Variants in ADGRD1 observed in about 807,000 individuals in gnomAD.
ADGRD1 encodes adhesion G protein-coupled receptor D1.
A neutral mutation model predicts 113.4 loss-of-function variants in ADGRD1; 77 were observed. The ratio of observed to expected loss-of-function variants is 0.68; its 90% confidence interval spans 0.57 to 0.82. ADGRD1 has a LOEUF of 0.82. ADGRD1 is among the 40% of genes least tolerant of loss of function. The pLI, the probability that ADGRD1 is intolerant of heterozygous loss-of-function variation, is 0.00. For synonymous variants in ADGRD1, 474 were observed against 475.0 expected, an observed-to-expected ratio of 1.00 and a Z score of 0.03; for missense variants, 1,036 against 1,139.1, an observed-to-expected ratio of 0.91 and a Z score of 1.30.
rs1444426300 is a variant in ADGRD1, at chr12:131,057,473, A to G, written c.1474-19328A>G. On this transcript the variant is annotated intron_variant, in intron 13 of 24. Transcript: ENST00000261654. This position sits in a 1 kb window ranked among gnomAD's most constrained non-coding sequence, Gnocchi z 4.2. ...TTCTCCTGCAGCTCTTGAGTCCACG[A>G]GTCTGAGACAAAGGCGTTGGCAGAG... Among the ~76,000 whole-genome samples the G allele has an allele frequency of 6.6e-6, 1 of 152,090 alleles. No homozygotes were observed. The highest frequency in any genetic ancestry group is 1.9e-4 in the East Asian group (1 of 5,186).
At position 130,981,926 on chromosome 12, in the gene ADGRD1, C is replaced by T; in HGVS notation, c.353C>T (p.Ser118Phe). The T allele has an allele frequency of 1.2e-6, 2 of 1,613,906 alleles. No homozygotes were observed. Among genetic ancestry groups the T allele is most frequent in the South Asian group, 2.2e-5 (2 of 91,070 alleles). The change falls in exon 5 of 25, where the codon TCT becomes TTT. Residue 118 changes from serine to phenylalanine, a missense_variant. Physicochemically the swap from Ser to Phe is radical, Grantham distance 155. Coordinates refer to ENST00000261654, the MANE Select transcript of ADGRD1 (RefSeq NM_198827.5). ...TTCTGGAAGACACAAGGAGAACAGT[C>T]TAGACCAATCCCTTCTGCGTATGGG... Reference protein sequence around the residue: ...SFFWKTQGEQSRPIPSAYGGQ... With the variant: ...SFFWKTQGEQFRPIPSAYGGQ...
chr12:131,044,000 A>G (rs1462055089), intron 13 of ADGRD1, among the ~76,000 whole-genome samples: 1 of 152,124 alleles, frequency 6.6e-6, no homozygotes, highest in Admixed American at 6.5e-5. Flanking sequence ...CCCTGGTTCT[A>G]CCAGGCGTCA....
intron 13 of ADGRD1, among the ~76,000 whole-genome samples, chr12:131,047,249 C>T (rs543579721): frequency 2.8e-4 from 43 of 152,050 alleles, no homozygotes; most frequent in African/African-American, 1.0e-3. Flanking sequence ...AGATCTCCAG[C>T]CCTGGGTGTG....
At chr12:131,094,984 C>A (rs1887184064) in intron 15 of ADGRD1, among the ~76,000 whole-genome samples, 1 of 152,252 alleles carries the variant, frequency 6.6e-6, no homozygotes, top group South Asian at 2.1e-4. Flanking sequence ...CATGCCCCTC[C>A]AGTCTCCCTC....
chr12:131,058,090 T>C (rs1426135028), intron 13 of ADGRD1, among the ~76,000 whole-genome samples: 1 of 152,200 alleles, frequency 6.6e-6, no homozygotes, highest in Non-Finnish European at 1.5e-5. Flanking sequence ...AGGTTACTCT[T>C]TTGTGCTTTT....
Position 131,054,410 on chromosome 12 carries a change from G to A in ADGRD1, c.1474-22391G>A, listed in dbSNP as rs537383183. On this transcript the variant is annotated intron_variant, in intron 13 of 24. Coordinates refer to ENST00000261654, the MANE Select transcript of ADGRD1 (RefSeq NM_198827.5). ...AGTATGTACTCTTTTCTGGCCTGGC[G>A]TTTTCCACTCAGCATTATTGTTTTG... 6.6e-5 allele frequency among the ~76,000 whole-genome samples: 10 copies of A among 152,268 alleles called. No homozygotes were observed. In the East Asian group the frequency reaches 1.4e-3, roughly 21 times the overall value.
chr12:130,978,049 C>T (rs1872534122), intron 4 of ADGRD1: 2 of 152,292 alleles, frequency 1.3e-5, no homozygotes, highest in Non-Finnish European at 2.9e-5. Flanking sequence ...TCAGTTTTCT[C>T]CCCTGTGAAA....
intron 8 of ADGRD1, among the ~76,000 whole-genome samples, chr12:130,994,553 A>T (rs1269573518): frequency 6.6e-6 from 1 of 152,190 alleles, no homozygotes; most frequent in Non-Finnish European, 1.5e-5. Context: ...CATCCTCAGG[A>T]ATGTGCAGCA....
chr12:131,088,238 C>T (rs1387697107), intron 15 of ADGRD1, among the ~76,000 whole-genome samples: 2 of 152,076 alleles, frequency 1.3e-5, no homozygotes, highest in Non-Finnish European at 2.9e-5. Context: ...GGTCGCCCGT[C>T]GTTCAACAGC....
chr12:131,034,833 C>T (rs558503105), intron 13 of ADGRD1, among the ~76,000 whole-genome samples: 1 of 152,290 alleles, frequency 6.6e-6, no homozygotes, highest in East Asian at 1.9e-4. Context: ...ACTGCACCGG[C>T]TCCCGCTCCT....
At position 131,006,037 on chromosome 12, in the gene ADGRD1, G is replaced by A. The variant is rs375271891; in HGVS notation, c.1321G>A (p.Ala441Thr). ...MHYYLNNIWP[A>T]HTKIAEAMHH... ...CTACTACCTGAACAACATCTGGCCCGCCCACACCAAGTGAGTCTCGGGGGT... is the reference window on the plus strand; with the variant it reads ...CTACTACCTGAACAACATCTGGCCCACCCACACCAAGTGAGTCTCGGGGGT... The change falls in exon 12 of 25, where the codon GCC becomes ACC. Residue 441 changes from alanine to threonine, a missense_variant. Physicochemically the swap from Ala to Thr is moderately conservative, Grantham distance 58 (BLOSUM62 0). Coordinates refer to ENST00000261654, the MANE Select transcript of ADGRD1 (RefSeq NM_198827.5). The A allele has an allele frequency of 2.5e-6, 4 of 1,612,616 alleles. No individual in the cohort carries two copies. In the Admixed American group the frequency reaches 5.0e-5, roughly 20 times the overall value.
At chr12:131,025,596 G>A (rs1879846162) in intron 13 of ADGRD1, 1 of 151,102 alleles carries the variant, frequency 6.6e-6, no homozygotes, top group Non-Finnish European at 1.5e-5. Flanking sequence ...GGGCTGGAGT[G>A]CAATGGCACG....
intron 8 of ADGRD1, among the ~76,000 whole-genome samples, chr12:131,000,095 C>T (rs537490732): frequency 6.6e-6 from 1 of 152,348 alleles, no homozygotes; most frequent in African/African-American, 2.4e-5. Flanking sequence ...CCGTGTCCCC[C>T]AGGCGCTGTG....
intron 13 of ADGRD1, among the ~76,000 whole-genome samples, chr12:131,039,396 A>G (rs1366554998): frequency 2.0e-5 from 3 of 152,264 alleles, no homozygotes; most frequent in African/African-American, 7.2e-5. Flanking sequence ...GGGTTTCCAT[A>G]AAAATAGATT....
chr12:131,082,340 G>A (rs1886136872), intron 14 of ADGRD1, among the ~76,000 whole-genome samples: 2 of 152,300 alleles, frequency 1.3e-5, no homozygotes, highest in Middle Eastern at 6.8e-3. Context: ...TTCCATAGCA[G>A]ATTTATTTAT....
chr12:131,105,671 G>A (rs1950217404), intron 16 of ADGRD1, 83 bp from the exon 17 acceptor site: 2 of 985,222 alleles, frequency 2.0e-6, no homozygotes, highest in South Asian at 2.7e-5. Flanking sequence ...AATGGATATA[G>A]GGACTTCGTG....
intron 20 of ADGRD1, among the ~76,000 whole-genome samples, chr12:131,125,068 T>G (rs1950709749): frequency 6.6e-6 from 1 of 152,204 alleles, no homozygotes; most frequent in African/African-American, 2.4e-5. Flanking sequence ...TCTGTGCATG[T>G]CTGCGTCTTA....
At chr12:130,992,652 A>G (rs989518012) in intron 8 of ADGRD1, among the ~76,000 whole-genome samples, 3 of 152,202 alleles carry the variant, frequency 2.0e-5, no homozygotes, top group Non-Finnish European at 4.4e-5. Flanking sequence ...CCCCCTGTGC[A>G]GCCACCTGGC....
At chr12:131,094,153 ACAGCCTCAGTACC>A (rs1566104010) in intron 15 of ADGRD1, among the ~76,000 whole-genome samples, 2 of 143,868 alleles carry the variant, frequency 1.4e-5, no homozygotes, top group Non-Finnish European at 3.0e-5. Flanking sequence ...GTCTCAGTAC[ACAGCCTCAGTACC>A]CAGCCTCAGC....
Sources: gnomAD v4.1 joint callset for allele counts (sites outside exome capture counted in the v4.1 genomes callset) on GRCh38, gnomAD v4.1.1 for gene constraint, Gnocchi (gnomAD v3.1) non-coding constraint, MANE v1.5 for transcripts, NCBI Gene and HGNC (gene_info 2026-07-23, HGNC 2026-07-21) for gene names.